Variants in RBMS3 observed in about 807,000 individuals in gnomAD.
RBMS3 encodes RNA binding motif single stranded interacting protein 3.
RBMS3 carries 27 observed loss-of-function variants against 66.8 expected under a neutral mutation model. The observed-to-expected ratio is 0.40, with a 90% CI of 0.30 to 0.56. RBMS3 has a LOEUF of 0.56. Among genes scored for constraint, RBMS3 ranks in the 20% least tolerant of loss-of-function variants. The probability of loss-of-function intolerance (pLI) is 0.40; values close to 1 mark genes in which losing one functional copy is unlikely to be tolerated. For synonymous variants in RBMS3, 188 were observed against 183.0 expected, an observed-to-expected ratio of 1.03 and a Z score of -0.22; for missense variants, 513 against 549.5, an observed-to-expected ratio of 0.93 and a Z score of 0.66.
At chr3:29,716,387 TTA>T (rs1189849090) in intron 4 of RBMS3, among the ~76,000 whole-genome samples, 4 of 152,242 alleles carry the variant, frequency 2.6e-5, no homozygotes, top group African/African-American at 9.6e-5. Flanking sequence ...TGAATTGATA[TTA>T]GTTATTTTGC....
At chr3:29,286,008 G>A (rs1430490144) in intron 1 of RBMS3, among the ~76,000 whole-genome samples, 1 of 152,066 alleles carries the variant, frequency 6.6e-6, no homozygotes, top group African/African-American at 2.4e-5. Context: ...ATATCCAGTT[G>A]GTAACTTGCC....
intron 1 of RBMS3, among the ~76,000 whole-genome samples, chr3:29,425,752 G>C (rs1042073188): frequency 6.6e-6 from 1 of 152,174 alleles, no homozygotes; most frequent in Admixed American, 6.5e-5. Context: ...CATAATTGTT[G>C]TACATTTCTG....
At chr3:29,330,922 CA>C (rs1426768322) in intron 1 of RBMS3, among the ~76,000 whole-genome samples, 1 of 152,130 alleles carries the variant, frequency 6.6e-6, no homozygotes, top group African/African-American at 2.4e-5. Context: ...AGTTGCTTTG[CA>C]GACATATGAA....
intron 10 of RBMS3, among the ~76,000 whole-genome samples, chr3:29,928,197 T>TAC (rs1192992299): frequency 4.8e-5 from 5 of 103,370 alleles, no homozygotes; most frequent in African/African-American, 1.8e-4. Context: ...TATATATATA[T>TAC]ATATATATAT....
At chr3:29,938,507 A>G (rs1344224625) in intron 11 of RBMS3, among the ~76,000 whole-genome samples, 1 of 152,002 alleles carries the variant, frequency 6.6e-6, no homozygotes, top group Non-Finnish European at 1.5e-5. Flanking sequence ...GAGAGAAAAC[A>G]GAATTACTTT....
intron 1 of RBMS3, among the ~76,000 whole-genome samples, chr3:29,297,235 G>T (rs1017292126): frequency 1.4e-4 from 22 of 151,808 alleles, no homozygotes; most frequent in African/African-American, 3.1e-4. Context: ...TGGTAAAAAT[G>T]TCTTGAGGAT....
intron 7 of RBMS3, among the ~76,000 whole-genome samples, chr3:29,877,407 C>A (rs1172058357): frequency 6.6e-6 from 1 of 152,048 alleles, no homozygotes; most frequent in Non-Finnish European, 1.5e-5. Context: ...TCAAATGATG[C>A]AAATGAATGT....
At chr3:29,555,569 T>C (rs889449777) in intron 3 of RBMS3, among the ~76,000 whole-genome samples, 6 of 152,304 alleles carry the variant, frequency 3.9e-5, no homozygotes, top group Non-Finnish European at 8.8e-5. Flanking sequence ...TTTCTACTTT[T>C]GTGAGAAAAC....
At chr3:29,644,593 G>A (rs1187863936) in intron 4 of RBMS3, among the ~76,000 whole-genome samples, 1 of 152,108 alleles carries the variant, frequency 6.6e-6, no homozygotes, top group African/African-American at 2.4e-5. Flanking sequence ...TCTCACAAAT[G>A]CTATTGATAG....
At chr3:29,329,944 T>TATAGAA (rs2035561114) in intron 1 of RBMS3, among the ~76,000 whole-genome samples, 1 of 149,070 alleles carries the variant, frequency 6.7e-6, no homozygotes, top group South Asian at 2.1e-4. Flanking sequence ...TTAATATAAC[T>TATAGAA]TTTGTTATAT....
chr3:29,681,775 T>A (rs1348054798), intron 4 of RBMS3, among the ~76,000 whole-genome samples: 2 of 152,214 alleles, frequency 1.3e-5, no homozygotes, highest in Non-Finnish European at 2.9e-5. Flanking sequence ...TTGGGTTGAT[T>A]CCATGTCTTT....
intron 2 of RBMS3, among the ~76,000 whole-genome samples, chr3:29,446,310 A>T (rs984734959): frequency 4.1e-5 from 6 of 146,320 alleles, no homozygotes; most frequent in Admixed American, 1.4e-4. Flanking sequence ...ATTTATTGTA[A>T]TTCATATTTT....
At chr3:29,642,686 A>T in intron 4 of RBMS3, 1 of 152,012 alleles carries the variant, frequency 6.6e-6, no homozygotes, top group East Asian at 1.9e-4. Context: ...CTTTATTCTC[A>T]TTCTCTTCTG....
At chr3:29,530,138 A>G (rs2045294509) in intron 3 of RBMS3, among the ~76,000 whole-genome samples, 2 of 152,150 alleles carry the variant, frequency 1.3e-5, no homozygotes, top group East Asian at 1.9e-4. Flanking sequence ...CCCAATACTC[A>G]TCTAAGCTGA....
intron 12 of RBMS3, among the ~76,000 whole-genome samples, chr3:29,957,978 C>T (rs148263236): frequency 2.6e-5 from 4 of 152,078 alleles, no homozygotes; most frequent in Admixed American, 1.3e-4. Context: ...CAAGTAATGT[C>T]TTTTAGTTCT....
At chr3:29,639,587 G>T (rs1259944967) in intron 4 of RBMS3, among the ~76,000 whole-genome samples, 1 of 140,368 alleles carries the variant, frequency 7.1e-6, no homozygotes, top group Non-Finnish European at 1.6e-5. Flanking sequence ...ATAGATAGAA[G>T]ATAGACAGAG....
At chr3:29,281,796 G>A (rs200154145) in intron 1 of RBMS3, 40 bp downstream of exon 1, 1 of 1,529,624 alleles carries the variant, frequency 6.5e-7, no homozygotes, top group Admixed American at 1.8e-5. Context: ...GCGTGGTATC[G>A]TTCTGCACTT....
intron 6 of RBMS3, among the ~76,000 whole-genome samples, chr3:29,791,447 CAG>C (rs551269660): frequency 1.1e-3 from 169 of 152,284 alleles, no homozygotes; most frequent in African/African-American, 3.8e-3. Flanking sequence ...AAAGAACAAA[CAG>C]TGGTGTGCTT....
At chr3:29,883,165 G>C (rs914520154) in intron 7 of RBMS3, among the ~76,000 whole-genome samples, 3 of 152,048 alleles carry the variant, frequency 2.0e-5, no homozygotes, top group African/African-American at 7.2e-5. Context: ...GGTAAACAAA[G>C]GATGGTATGC....
Sources: gnomAD v4.1 joint callset for allele counts (sites outside exome capture counted in the v4.1 genomes callset) on GRCh38, gnomAD v4.1.1 for gene constraint, MANE v1.5 for transcripts, NCBI Gene and HGNC (gene_info 2026-07-23, HGNC 2026-07-21) for gene names.